Variants in ATP2B4 observed in about 807,000 individuals in gnomAD.
The protein encoded by ATP2B4 is ATPase plasma membrane Ca2+ transporting 4, also known as plasma membrane calcium-transporting ATPase 4.
A neutral mutation model predicts 110.3 loss-of-function variants in ATP2B4; 39 were observed. That is an observed-to-expected ratio of 0.35 (90% confidence interval 0.27 to 0.46). ATP2B4 has a LOEUF of 0.46. Ranked by LOEUF, ATP2B4 falls within the 20% of genes least tolerant of loss-of-function variation. The pLI is 1.00. For missense variants in ATP2B4, 1,135 were observed against 1,530.9 expected, an observed-to-expected ratio of 0.74 and a Z score of 4.32; for synonymous variants, 538 against 571.7, an observed-to-expected ratio of 0.94 and a Z score of 0.84.
chr1:203,710,240 C>T (rs560147822), intron 11 of ATP2B4, among the ~76,000 whole-genome samples: 26 of 151,974 alleles, frequency 1.7e-4, no homozygotes, highest in African/African-American at 4.1e-4. Context: ...CATGGTGGTG[C>T]GTGCCTGTAA....
At chr1:203,696,383 C>T (rs918186414) in intron 2 of ATP2B4, among the ~76,000 whole-genome samples, 1 of 152,196 alleles carries the variant, frequency 6.6e-6, no homozygotes, top group Non-Finnish European at 1.5e-5. Context: ...TCCGTTTTGT[C>T]CCTGCAGCCT....
At position 203,724,006 on chromosome 1, in the gene ATP2B4, C is replaced by G; in HGVS notation, c.3132+18C>G. 6.3e-7 allele frequency: 1 copy of G among 1,586,868 alleles called. No individual in the cohort carries two copies. Among genetic ancestry groups the G allele is most frequent in the Non-Finnish European group, 8.6e-7 (1 of 1,164,052 alleles). On this transcript the variant is annotated intron_variant, in intron 19 of 20. Coordinates refer to ENST00000357681, the MANE Select transcript of ATP2B4 (RefSeq NM_001684.5). ...GGGGCCAGGTGAGTACCGGCACACC[C>G]TCCTGGTGCATTCTCACAGCCTGCA...
In ATP2B4 at chr1:203,652,525, T is replaced by C. The variant is rs150261165; in HGVS notation, c.-465+25306T>C. 2.0e-5 allele frequency among the ~76,000 whole-genome samples: 3 copies of C among 152,352 alleles called. No individual in the cohort carries two copies. In the East Asian group the frequency reaches 5.8e-4, roughly 29 times the overall value. ...CCTTATTTTATTGTACTTCAGACAC[T>C]GCCTTTTTATTTTATTATTAAATAA... On this transcript the variant is annotated intron_variant, in intron 1 of 20. Transcript: ENST00000357681.
chr1:203,650,208 G>T (rs1228752352), intron 1 of ATP2B4, among the ~76,000 whole-genome samples: 1 of 152,188 alleles, frequency 6.6e-6, no homozygotes, highest in East Asian at 1.9e-4. Flanking sequence ...CCTGGGTTTT[G>T]GCAGCTCAAG....
chr1:203,731,870 AGG>A (rs1437203037), intron 20 of ATP2B4, among the ~76,000 whole-genome samples: 6 of 142,882 alleles, frequency 4.2e-5, no homozygotes, highest in South Asian at 2.3e-4. Flanking sequence ...AAAAAAAAAA[AGG>A]AAGGAGGGAG....
intron 9 of ATP2B4, 68 bp downstream of exon 9, chr1:203,707,291 T>A: frequency 6.8e-7 from 1 of 1,460,584 alleles, no homozygotes; most frequent in Non-Finnish European, 9.3e-7. Flanking sequence ...CATGTAACCT[T>A]TAGTGAAAAG....
At chr1:203,644,911 A>G (rs1663747877) in intron 1 of ATP2B4, among the ~76,000 whole-genome samples, 1 of 152,160 alleles carries the variant, frequency 6.6e-6, no homozygotes, top group South Asian at 2.1e-4. Context: ...GTATGACTCT[A>G]TGTGGCCACT....
chr1:203,670,076 A>G (rs1344438531), intron 1 of ATP2B4, among the ~76,000 whole-genome samples: 1 of 152,204 alleles, frequency 6.6e-6, no homozygotes, highest in Non-Finnish European at 1.5e-5. Flanking sequence ...GAGTTTTGGA[A>G]GCTCACTCTA....
intron 1 of ATP2B4, among the ~76,000 whole-genome samples, chr1:203,672,300 G>A (rs1237723769): frequency 4.1e-5 from 4 of 98,436 alleles, no homozygotes; most frequent in African/African-American, 1.3e-4. Flanking sequence ...TCCTGTTTTT[G>A]TTCCTGAGTA....
At chr1:203,638,273 G>A (rs926765158) in intron 1 of ATP2B4, among the ~76,000 whole-genome samples, 5 of 152,188 alleles carry the variant, frequency 3.3e-5, no homozygotes, top group South Asian at 2.1e-4. Flanking sequence ...AGCCAGTACC[G>A]GTACTGTGGG....
At chr1:203,635,602 T>C (rs1490044307) in intron 1 of ATP2B4, among the ~76,000 whole-genome samples, 1 of 151,942 alleles carries the variant, frequency 6.6e-6, no homozygotes, top group Non-Finnish European at 1.5e-5. Context: ...CAGTGAGCCG[T>C]GATCATGAAA....
Position 203,739,682 on chromosome 1 carries a change from A to T in ATP2B4, c.3446A>T (p.Asp1149Val). ...EEELPRTPLL[D>V]EEEEENPDKA... ...GAGTTGCCACGAACACCACTCCTGG[A>T]TGAGGAAGAGGAGGAAAATCCTGAC... The change falls in exon 21 of 21, where the codon GAT becomes GTT. Residue 1149 changes from aspartate to valine, a missense_variant. This residue lies in a region of ATP2B4 where 92 missense variants were observed against 82.5 expected (regional missense o/e 1.11). Coordinates refer to ENST00000357681, the MANE Select transcript of ATP2B4 (RefSeq NM_001684.5). The T allele has an allele frequency of 6.2e-7, 1 of 1,614,186 alleles. No homozygotes were observed. Among genetic ancestry groups the T allele is most frequent in the Non-Finnish European group, 8.5e-7 (1 of 1,180,028 alleles).
chr1:203,657,993 G>A (rs984545148), intron 1 of ATP2B4, among the ~76,000 whole-genome samples: 1 of 152,112 alleles, frequency 6.6e-6, no homozygotes, highest in South Asian at 2.1e-4. Flanking sequence ...CGTGAACCAC[G>A]GCCGATCATT....
rs1009065269 is a variant in ATP2B4, at chr1:203,741,075, GA to G, written c.*1222del. On this transcript the variant is annotated 3_prime_UTR_variant, in exon 21 of 21. Transcript: ENST00000357681. ...GCTTAGGTGCCTGGGGACCAGCTTCGACATTCTCTCCAGTTTCTGATTCTAA... is the reference window on the plus strand; with the variant it reads ...GCTTAGGTGCCTGGGGACCAGCTTCGCATTCTCTCCAGTTTCTGATTCTAA... The G allele has an allele frequency of 9.2e-5, 14 of 152,408 alleles. No individual in the cohort carries two copies. The highest frequency in any genetic ancestry group is 3.4e-4 in the African/African-American group (14 of 41,546). The allele number at this position is 152,408 out of a possible 1,614,324, so 9.4% of individuals were successfully genotyped here.
chr1:203,666,528 C>T (rs2102338857), intron 1 of ATP2B4, among the ~76,000 whole-genome samples: 1 of 152,186 alleles, frequency 6.6e-6, no homozygotes, highest in Admixed American at 6.5e-5. Flanking sequence ...TAATTTTGGC[C>T]CCCGTTCTTC....
At chr1:203,652,043 C>T (rs1370047281) in intron 1 of ATP2B4, among the ~76,000 whole-genome samples, 25 of 126,312 alleles carry the variant, frequency 2.0e-4, no homozygotes, top group South Asian at 2.9e-4. Context: ...AGTGACAGAG[C>T]GAGACTCTGT....
At chr1:203,729,861 G>T (rs1463189079) in intron 20 of ATP2B4, among the ~76,000 whole-genome samples, 2 of 152,142 alleles carry the variant, frequency 1.3e-5, no homozygotes, top group Non-Finnish European at 2.9e-5. Flanking sequence ...CTGCTGTGAG[G>T]CTGGACTGCA....
chr1:203,728,449 T>G (rs1666587758), intron 20 of ATP2B4: 1 of 237,982 alleles, frequency 4.2e-6, no homozygotes, highest in Non-Finnish European at 8.5e-6. Flanking sequence ...ACACTGTAAA[T>G]TCCAAGATCT....
chr1:203,703,845 C>G, intron 8 of ATP2B4, 32 bp downstream of exon 8: 1 of 1,606,086 alleles, frequency 6.2e-7, no homozygotes, highest in Non-Finnish European at 8.5e-7. Flanking sequence ...TGTGGTTTAT[C>G]AATGTTGTCT....
Sources: gnomAD v4.1 joint callset for allele counts (sites outside exome capture counted in the v4.1 genomes callset) on GRCh38, gnomAD v4.1.1 for gene constraint, gnomAD v4.1.1 regional missense constraint, MANE v1.5 for transcripts, NCBI Gene and HGNC (gene_info 2026-07-23, HGNC 2026-07-21) for gene names.